The following SLC35F4 variants were observed in gnomAD, a reference collection of about 807,000 sequenced individuals.
SLC35F4 encodes the protein chromosome 14 open reading frame 36.
SLC35F4 carries 24 observed loss-of-function variants against 44.2 expected under a neutral mutation model. The ratio of observed to expected loss-of-function variants is 0.54; its 90% CI spans 0.39 to 0.76. The LOEUF (loss-of-function observed/expected upper bound fraction) is 0.76, where lower values mean the gene tolerates loss of function less well. Among genes scored for constraint, SLC35F4 ranks in the 30% least tolerant of loss-of-function variants. SLC35F4 has a pLI of 0.00. For synonymous variants in SLC35F4, 238 were observed against 223.6 expected, an observed-to-expected ratio of 1.06 and a Z score of -0.57; for missense variants, 562 against 586.1, an observed-to-expected ratio of 0.96 and a Z score of 0.42.
chr14:57,737,626 C>G (rs1402912427), intron 1 of SLC35F4, among the ~76,000 whole-genome samples: 1 of 152,216 alleles, frequency 6.6e-6, no homozygotes, highest in Non-Finnish European at 1.5e-5. Flanking sequence ...TTAGAATACT[C>G]AGGTCCAGAC....
rs536890501 is a variant in SLC35F4, at chr14:57,643,271, C to A, written c.104-49147G>T. 3.6e-4 allele frequency among the ~76,000 whole-genome samples: 54 copies of A among 152,028 alleles called. 1 individual carries two copies. Among genetic ancestry groups the A allele is most frequent in the Non-Finnish European group, 5.7e-4 (39 of 67,930 alleles). On this transcript the variant is annotated intron_variant, in intron 1 of 7. Transcript: ENST00000556826. Reference sequence around the variant, plus strand: ...GACATTTTCATAGAAAACACTGTAGCCTGTTTAATTATTGAGTAATGCATA... The same window carrying A: ...GACATTTTCATAGAAAACACTGTAGACTGTTTAATTATTGAGTAATGCATA...
chr14:57,796,719 C>G (rs2140834251), intron 1 of SLC35F4, among the ~76,000 whole-genome samples: 1 of 152,210 alleles, frequency 6.6e-6, no homozygotes, highest in South Asian at 2.1e-4. Context: ...AATAAGTAGG[C>G]ATAGCTGGCT....
chr14:57,646,166 T>G (rs1052276027), intron 1 of SLC35F4, among the ~76,000 whole-genome samples: 1 of 152,338 alleles, frequency 6.6e-6, no homozygotes, highest in African/African-American at 2.4e-5. Context: ...TTCCCTCTTT[T>G]TCTATTGATT....
At chr14:57,630,137 G>A in intron 1 of SLC35F4, 3 of 552,148 alleles carry the variant, frequency 5.4e-6, no homozygotes, top group East Asian at 4.9e-5. Context: ...TTTGTGGATG[G>A]CAGATTAAAA....
Position 57,593,850 on chromosome 14 carries a change from C to A in SLC35F4, c.289+89G>T. 3 of 1,423,286 alleles carry A rather than the reference C, an allele frequency of 2.1e-6. No individual in the cohort carries two copies. The South Asian group carries it at 4.0e-5, about 19-fold the overall frequency. 88.2% of individuals were successfully genotyped at this position (1,423,286 alleles called of 1,614,324 possible). On this transcript the variant is annotated intron_variant, in intron 2 of 7. Coordinates refer to ENST00000556826, the MANE Select transcript of SLC35F4 (RefSeq NM_001306087.2). ...CATGTACTCATAAGAGTCCGTGTAACATCTCTGCATTCTGTGACAATGGCG... is the reference window on the plus strand; with the variant it reads ...CATGTACTCATAAGAGTCCGTGTAAAATCTCTGCATTCTGTGACAATGGCG...
At chr14:57,717,425 A>G (rs1340341027) in intron 1 of SLC35F4, among the ~76,000 whole-genome samples, 1 of 152,148 alleles carries the variant, frequency 6.6e-6, no homozygotes, top group Non-Finnish European at 1.5e-5. Context: ...TCACGAGGTC[A>G]GGAGATCGAG....
chr14:57,601,879 T>G (rs527447028), intron 1 of SLC35F4, among the ~76,000 whole-genome samples: 2 of 152,280 alleles, frequency 1.3e-5, no homozygotes, highest in South Asian at 4.1e-4. Flanking sequence ...CTATCCCCAT[T>G]TTTTACAGAT....
At chr14:57,669,725 C>T (rs564043796) in intron 1 of SLC35F4, among the ~76,000 whole-genome samples, 28 of 152,060 alleles carry the variant, frequency 1.8e-4, no homozygotes, top group Admixed American at 3.9e-4. Flanking sequence ...CTGCTGGATT[C>T]GGTTTGTCAG....
At chr14:57,927,459 T>C (rs1328192761) in intron 1 of SLC35F4, among the ~76,000 whole-genome samples, 1 of 148,960 alleles carries the variant, frequency 6.7e-6, no homozygotes, top group Non-Finnish European at 1.5e-5. Context: ...AGTGACTAGG[T>C]GGTTTGAGTT....
chr14:57,743,691 T>C (rs369004808), intron 1 of SLC35F4, among the ~76,000 whole-genome samples: 54 of 152,096 alleles, frequency 3.6e-4, no homozygotes, highest in East Asian at 2.3e-3. Flanking sequence ...TTCCAATCAA[T>C]AGAAAAAGAG....
At chr14:57,695,614 G>A (rs1463464726) in intron 1 of SLC35F4, among the ~76,000 whole-genome samples, 6 of 151,858 alleles carry the variant, frequency 4.0e-5, no homozygotes, top group African/African-American at 7.3e-5. Context: ...TCAGTGTGGC[G>A]ATTCCTCAGG....
chr14:57,564,435 A>C (rs1212481867), intron 7 of SLC35F4, 59 bp from the exon 8 acceptor site: 1 of 1,542,190 alleles, frequency 6.5e-7, no homozygotes. Context: ...TTTGAAAACA[A>C]GTCACCAAAG....
chr14:57,814,779 A>T (rs1882374106), intron 1 of SLC35F4, among the ~76,000 whole-genome samples: 1 of 152,188 alleles, frequency 6.6e-6, no homozygotes, highest in African/African-American at 2.4e-5. Context: ...ATGGCGATGG[A>T]ATAGGGGCAG....
At position 57,776,536 on chromosome 14, in the gene SLC35F4, C is replaced by A. The variant is rs966487826; in HGVS notation, c.103+89187G>T. Among the ~76,000 whole-genome samples the A allele has an allele frequency of 4.0e-5, 6 of 151,850 alleles. No homozygotes were observed. The East Asian group carries it at 9.7e-4, about 25-fold the overall frequency. Reference sequence around the variant, plus strand: ...AAAAAATTTGCCAGGAGTGGTGGCACGCGCCTGCAATCCCAGCTAATTGGG... The same window carrying A: ...AAAAAATTTGCCAGGAGTGGTGGCAAGCGCCTGCAATCCCAGCTAATTGGG... On this transcript the variant is annotated intron_variant, in intron 1 of 7. Coordinates refer to ENST00000556826, the MANE Select transcript of SLC35F4 (RefSeq NM_001306087.2).
intron 1 of SLC35F4, among the ~76,000 whole-genome samples, chr14:57,958,098 C>G (rs1890273434): frequency 6.6e-6 from 1 of 151,884 alleles, no homozygotes; most frequent in Admixed American, 6.6e-5. Flanking sequence ...CTCTGTCGCC[C>G]AGGCTGCAGT....
intron 1 of SLC35F4, among the ~76,000 whole-genome samples, chr14:57,652,982 G>A (rs2073840083): frequency 6.6e-6 from 1 of 152,080 alleles, no homozygotes. Flanking sequence ...ATTCTGTTTG[G>A]CTCTTTTCCA....
At chr14:57,930,650 T>G (rs185963348) in intron 1 of SLC35F4, among the ~76,000 whole-genome samples, 4 of 152,334 alleles carry the variant, frequency 2.6e-5, no homozygotes, top group Admixed American at 2.6e-4. Context: ...ATGTTTAAGC[T>G]TCTAAGTTAA....
At chr14:57,653,075 T>TA (rs1159428890) in intron 1 of SLC35F4, among the ~76,000 whole-genome samples, 1 of 152,138 alleles carries the variant, frequency 6.6e-6, no homozygotes, top group South Asian at 2.1e-4. Context: ...TTCAATGTAT[T>TA]AAAAAACCTC....
At chr14:57,916,119 G>A (rs1032476597) in intron 1 of SLC35F4, among the ~76,000 whole-genome samples, 7 of 152,230 alleles carry the variant, frequency 4.6e-5, no homozygotes, top group Middle Eastern at 3.4e-3. Context: ...TACCAGCAGC[G>A]GGCAAGGGTC....
Sources: gnomAD v4.1 joint callset for allele counts (sites outside exome capture counted in the v4.1 genomes callset) on GRCh38, gnomAD v4.1.1 for gene constraint, MANE v1.5 for transcripts, NCBI Gene and HGNC (gene_info 2026-07-23, HGNC 2026-07-21) for gene names.